RYR2: variants seen among roughly 807,000 people sequenced by gnomAD.
RYR2 encodes the protein cardiac muscle ryanodine receptor-calcium release channel.
Under a neutral mutation model 601.1 loss-of-function variants are expected in RYR2, and 227 were observed. The observed-to-expected ratio is 0.38, with a 90% CI of 0.34 to 0.42. RYR2 has a LOEUF of 0.42. Among genes scored for constraint, RYR2 ranks in the 10% least tolerant of loss-of-function variants. The pLI is 1.00. For missense variants in RYR2, 4,646 were observed against 6,156.5 expected, an observed-to-expected ratio of 0.75 and a Z score of 8.21; for synonymous variants, 2,223 against 2,175.1, an observed-to-expected ratio of 1.02 and a Z score of -0.61.
intron 1 of RYR2, among the ~76,000 whole-genome samples, chr1:237,134,358 A>C (rs1157163285): frequency 6.6e-6 from 1 of 152,200 alleles, no homozygotes; most frequent in Non-Finnish European, 1.5e-5. Flanking sequence ...TTACAAAGGA[A>C]AGAGGTTTAA....
chr1:237,195,859 G>A (rs758416554), intron 1 of RYR2, among the ~76,000 whole-genome samples: 10 of 152,184 alleles, frequency 6.6e-5, no homozygotes, highest in Non-Finnish European at 1.3e-4. Context: ...GAAGTAATGA[G>A]CACTCAACCG....
intron 37 of RYR2, among the ~76,000 whole-genome samples, chr1:237,616,059 G>A (rs1351828907): frequency 6.6e-6 from 1 of 152,166 alleles, no homozygotes; most frequent in African/African-American, 2.4e-5. Context: ...GTGATCTAGT[G>A]TCTGGTTAGT....
intron 1 of RYR2, among the ~76,000 whole-genome samples, chr1:237,119,222 G>A (rs1011366383): frequency 2.0e-5 from 3 of 152,154 alleles, no homozygotes; most frequent in African/African-American, 7.2e-5. Flanking sequence ...GCTGTATGAG[G>A]ACACGGGGAG....
Position 237,548,519 on chromosome 1 carries a change from T to C in RYR2, c.2995T>C (p.Leu999=), listed in dbSNP as rs1435995483. 6.2e-7 allele frequency: 1 copy of C among 1,613,990 alleles called. No homozygotes were observed. The highest frequency in any genetic ancestry group is 1.7e-5 in the Admixed American group (1 of 60,010). ...TPSQEAMVDK[L]AENAHNVWAR... is the part of the protein sequence containing the mutation. ...ATCACAAGAAGCAATGGTGGACAAG[T>C]TGGCAGAAAATGCACATAATGTGTG... Residue 999 remains leucine, a synonymous_variant, in exon 26 of 105, where the codon TTG becomes CTG. Coordinates refer to ENST00000366574, the MANE Select transcript of RYR2 (RefSeq NM_001035.3).
At chr1:237,171,412 A>G (rs1677377823) in intron 1 of RYR2, among the ~76,000 whole-genome samples, 1 of 152,050 alleles carries the variant, frequency 6.6e-6, no homozygotes, top group African/African-American at 2.4e-5. Flanking sequence ...TACATCTAGA[A>G]CTCACTAAGC....
intron 29 of RYR2, among the ~76,000 whole-genome samples, chr1:237,580,735 T>A (rs1673821302): frequency 6.6e-6 from 1 of 152,122 alleles, no homozygotes; most frequent in South Asian, 2.1e-4. Context: ...GTAATTCAGG[T>A]TAAATGAGGT....
At chr1:237,770,933 T>C (rs1558379613) in intron 85 of RYR2, 46 bp downstream of exon 85, 1 of 1,204,504 alleles carries the variant, frequency 8.3e-7, no homozygotes, top group East Asian at 2.6e-5. Context: ...GCATAAATAA[T>C]GTTTTCAAGC....
At chr1:237,511,616 C>A in intron 23 of RYR2, 72 bp from the exon 24 acceptor site, 1 of 1,203,442 alleles carries the variant, frequency 8.3e-7, no homozygotes, top group Non-Finnish European at 1.2e-6. Context: ...CACTTTCTAC[C>A]ACACAGTTGA....
At chr1:237,237,354 A>T (rs1264227257) in intron 1 of RYR2, among the ~76,000 whole-genome samples, 1 of 152,230 alleles carries the variant, frequency 6.6e-6, no homozygotes, top group Non-Finnish European at 1.5e-5. Context: ...GATGAATATA[A>T]ATGAATAATA....
chr1:237,387,430 A>T lies in RYR2; in HGVS notation c.676+50A>T, dbSNP rs752544096. The stretch of plus-strand genomic sequence containing the variant: ...GGCCTGTCCTTGCTGCAAAGTTGAC[A>T]GTCATCTTTGGAATTGTGATAATGA... On this transcript the variant is annotated intron_variant, in intron 9 of 104. Transcript: ENST00000366574. 2.6e-6 allele frequency: 4 copies of T among 1,525,658 alleles called. No individual in the cohort carries two copies. In the South Asian group the frequency reaches 4.5e-5, roughly 17 times the overall value. The allele number at this position is 1,525,658 out of a possible 1,614,324, so 94.5% of individuals were successfully genotyped here. A position where few individuals can be genotyped will look rare whatever the true frequency, so the allele number is the denominator to read the frequency against.
In RYR2 at chr1:237,511,754, C is replaced by A; in HGVS notation, c.2785C>A (p.Arg929Ser). 6.5e-7 allele frequency: 1 copy of A among 1,549,750 alleles called. No individual in the cohort carries two copies. Among genetic ancestry groups the A allele is most frequent in the Non-Finnish European group, 8.7e-7 (1 of 1,143,436 alleles). ...VEFSKLPEQE[R>S]NYNLQMSLET... ...GTTCTCCAAGCTGCCTGAACAGGAGCGCAATTACAACTTACAAATGTCGCT... is the reference window on the plus strand; with the variant it reads ...GTTCTCCAAGCTGCCTGAACAGGAGAGCAATTACAACTTACAAATGTCGCT... The change falls in exon 24 of 105, where the codon CGC (arginine) becomes AGC (serine). Residue 929 changes from arginine to serine, a missense_variant. Physicochemically the swap from Arg to Ser is moderately radical, Grantham distance 110. This residue lies in a region of RYR2 where 1,807 missense variants were observed against 2,088.1 expected (regional missense o/e 0.87). Transcript: ENST00000366574.
chr1:237,377,463 C>A, intron 8 of RYR2, 28 bp downstream of exon 8: 1 of 1,481,280 alleles, frequency 6.8e-7, no homozygotes, highest in Non-Finnish European at 9.4e-7. Flanking sequence ...GATCATGTAT[C>A]TGCTGATATG....
At chr1:237,347,974 G>A (rs1698440113) in intron 3 of RYR2, among the ~76,000 whole-genome samples, 1 of 152,076 alleles carries the variant, frequency 6.6e-6, no homozygotes, top group Admixed American at 6.5e-5. Flanking sequence ...TTCCCTTTGG[G>A]GCATTTGCTG....
intron 27 of RYR2, among the ~76,000 whole-genome samples, chr1:237,552,532 T>A (rs1243986331): frequency 6.6e-6 from 1 of 152,108 alleles, no homozygotes; most frequent in East Asian, 1.9e-4. Context: ...AAAGTTTGTG[T>A]TCCCAACAAA....
intron 100 of RYR2, among the ~76,000 whole-genome samples, chr1:237,812,504 T>C (rs1661357256): frequency 6.6e-6 from 1 of 152,154 alleles, no homozygotes; most frequent in African/African-American, 2.4e-5. Context: ...ACAAAAATAG[T>C]GGATTCAACA....
At chr1:237,577,535 TGCGTGTGTGTGTG>T (rs1559055266) in intron 29 of RYR2, among the ~76,000 whole-genome samples, 94 of 74,990 alleles carry the variant, frequency 1.3e-3, no homozygotes, top group South Asian at 7.3e-3. Flanking sequence ...TGTGTGTGTG[TGCGTGTGTGTGTG>T]TTTGAGAGAG....
chr1:237,344,952 A>C (rs999923242), intron 3 of RYR2, among the ~76,000 whole-genome samples: 2 of 152,112 alleles, frequency 1.3e-5, no homozygotes, highest in African/African-American at 4.8e-5. Context: ...CTGGGACTAC[A>C]GGTGCGCACC....
At position 237,614,744 on chromosome 1, in the gene RYR2, T is replaced by C. The variant is rs765786213; in HGVS notation, c.5616T>C (p.Asp1872=). 1.9e-6 allele frequency: 3 copies of C among 1,613,830 alleles called. No individual in the cohort carries two copies. The highest frequency in any genetic ancestry group is 1.3e-5 in the African/African-American group (1 of 75,050). Residue 1872 remains aspartate (D), a synonymous_variant, in exon 37 of 105, where the codon GAT becomes GAC. Transcript: ENST00000366574. This position sits in a 1 kb window ranked among gnomAD's most constrained non-coding sequence, Gnocchi z 4.3. ...DTLEKELSVD[D]AKLQGAGEEE... Reference sequence around the variant, plus strand: ...TGGAGAAAGAGCTCAGTGTGGACGATGCAAAGCTGCAAGGAGCTGGTGAGG... The same window carrying C: ...TGGAGAAAGAGCTCAGTGTGGACGACGCAAAGCTGCAAGGAGCTGGTGAGG...
chr1:237,360,543 A>C (rs1462095998), intron 4 of RYR2, among the ~76,000 whole-genome samples: 1 of 152,224 alleles, frequency 6.6e-6, no homozygotes, highest in Non-Finnish European at 1.5e-5. Context: ...CAAATTTATT[A>C]TACTCGAAAG....
Sources: allele counts gnomAD v4.1 joint callset (sites outside exome capture counted in the v4.1 genomes callset), GRCh38; gene constraint gnomAD v4.1.1; regional missense constraint gnomAD v4.1.1; non-coding constraint Gnocchi (gnomAD v3.1); transcripts MANE v1.5; gene names NCBI Gene and HGNC (gene_info 2026-07-23, HGNC 2026-07-21).